PAIP1: variants seen among roughly 807,000 people sequenced by gnomAD.
PAIP1 encodes polyadenylate-binding protein-interacting protein 1.
In PAIP1, 16 loss-of-function variants were observed where a neutral mutation model predicts 61.3. That is an observed-to-expected ratio of 0.26 (90% CI 0.18 to 0.40). PAIP1 has a LOEUF of 0.40. Ranked by LOEUF, PAIP1 falls within the 10% of genes least tolerant of loss-of-function variation. The pLI is 1.00. For missense variants in PAIP1, 416 were observed against 600.9 expected (o/e 0.69, Z 3.22); for synonymous variants, 187 against 226.2 (o/e 0.83, Z 1.56).
Position 43,556,725 on chromosome 5 carries a change from G to T in PAIP1, c.122C>A (p.Ala41Glu). 7.4e-7 allele frequency: 1 copy of T among 1,346,428 alleles called. No homozygotes were observed. The highest frequency in any genetic ancestry group is 3.7e-5 in the Admixed American group (1 of 26,870). The allele number at this position is 1,346,428 out of a possible 1,614,324, so 83.4% of individuals were successfully genotyped here. The stretch of plus-strand genomic sequence containing the variant: ...TTTGGGTTGCGGCGGCTGGTGCCGC[G>T]CCCGCTCAGCAGGCCCCGCTCCGTT... ...FPNGAGPAER[A>E]RHQPPQPKAP... Residue 41 changes from alanine to glutamate, a missense_variant, in exon 1 of 11, where the codon GCG becomes GAG. Ala to Glu is a moderately radical substitution (Grantham distance 107). This residue lies in a region of PAIP1 where 97 missense variants were observed against 89.5 expected (regional missense o/e 1.08). Coordinates refer to ENST00000306846, the MANE Select transcript of PAIP1 (RefSeq NM_006451.5).
chr5:43,550,837 C>CAAAAAA (rs373730839), intron 2 of PAIP1, among the ~76,000 whole-genome samples: 675 of 49,052 alleles, frequency 0.014, no homozygotes, highest in Middle Eastern at 0.05. Context: ...AAATATACTA[C>CAAAAAA]AAAAAAAAAA....
intron 2 of PAIP1, among the ~76,000 whole-genome samples, chr5:43,554,503 C>G (rs373337549): frequency 6.6e-6 from 1 of 152,096 alleles, no homozygotes; most frequent in African/African-American, 2.4e-5. Context: ...TTTTCCTATA[C>G]AGCATAAGAA....
intron 9 of PAIP1, among the ~76,000 whole-genome samples, chr5:43,531,827 A>G (rs999827714): frequency 2.0e-5 from 3 of 152,044 alleles, no homozygotes; most frequent in Admixed American, 2.0e-4. Context: ...TAAAAGTTTA[A>G]GACGGTTAAG....
At chr5:43,529,529 G>A (rs932570330) in intron 10 of PAIP1, among the ~76,000 whole-genome samples, 6 of 152,068 alleles carry the variant, frequency 3.9e-5, no homozygotes, top group South Asian at 2.1e-4. Flanking sequence ...TCAGCCTCCC[G>A]AGTAGCTGTG....
In PAIP1 at chr5:43,536,874, G is replaced by T; in HGVS notation, c.917C>A (p.Ala306Asp). Residue 306 changes from alanine (A) to aspartate (D), a missense_variant, in exon 6 of 11, where the codon GCC becomes GAC. By Grantham distance (126) the Ala-to-Asp change is moderately radical (BLOSUM62 -2). Around this residue, in one of 4 missense-constraint regions of PAIP1, gnomAD observed 135 missense variants for 283.9 expected, o/e 0.48. Transcript: ENST00000306846. ...LQVGLRELLN[A>D]LFSNPMDDNL... is the part of the protein sequence containing the mutation. ...GTCATCCATAGGATTAGAAAACAGG[G>T]CATTCAGCAATTCTCGAAGACCAAC... is the stretch of plus-strand genomic sequence containing the variant. The T allele has an allele frequency of 6.4e-7, 1 of 1,565,674 alleles. No homozygotes were observed. The highest frequency in any genetic ancestry group is 8.8e-7 in the Non-Finnish European group (1 of 1,141,532).
At chr5:43,542,492 C>T (rs1257915374) in intron 4 of PAIP1, among the ~76,000 whole-genome samples, 2 of 150,524 alleles carry the variant, frequency 1.3e-5, no homozygotes, top group East Asian at 1.9e-4. Context: ...CAAGAGCGTG[C>T]CGCTGCACTC....
At chr5:43,535,054 T>C in intron 7 of PAIP1, 84 bp from the exon 8 acceptor site, 1 of 755,220 alleles carries the variant, frequency 1.3e-6, no homozygotes. Flanking sequence ...CAAAACTTTA[T>C]TTCCTTAATT....
In PAIP1 at chr5:43,556,898, A is replaced by G. The variant is rs1370353696; in HGVS notation, c.-52T>C. 7.4e-7 allele frequency: 1 copy of G among 1,345,314 alleles called. No individual in the cohort carries two copies. The highest frequency in any genetic ancestry group is 3.1e-5 in the East Asian group (1 of 32,068). The allele number at this position is 1,345,314 out of a possible 1,614,324, so 83.3% of individuals were successfully genotyped here. On this transcript the variant is annotated 5_prime_UTR_variant, in exon 1 of 11. Coordinates refer to ENST00000306846, the MANE Select transcript of PAIP1 (RefSeq NM_006451.5). ...AGGGGCCGCTGCCGCTGCGCTCGCG[A>G]TAGGACGCGGGGGGAAGGCGCCGCG...
chr5:43,553,549 C>T (rs1448557154), intron 2 of PAIP1, among the ~76,000 whole-genome samples: 3 of 152,126 alleles, frequency 2.0e-5, no homozygotes, highest in Non-Finnish European at 2.9e-5. Context: ...GTGAATGTAG[C>T]TAACTTTGGA....
chr5:43,543,284 C>G (rs1002674398), intron 3 of PAIP1, among the ~76,000 whole-genome samples, 168 bp from the exon 4 acceptor site: 10 of 148,136 alleles, frequency 6.8e-5, no homozygotes, highest in African/African-American at 2.2e-4. Flanking sequence ...TCCCTCCCAA[C>G]CTTACAGCAA....
Position 43,539,452 on chromosome 5 carries a change from TACACACACAC to T in PAIP1, c.735-427_735-418del, listed in dbSNP as rs34509892. On this transcript the variant is annotated intron_variant, in intron 4 of 10. Transcript: ENST00000306846. ...TACAACTTTGAAAAGGATCTTTAAA[TACACACACAC>T]ACACACACACACACACACACACACA... Among the ~76,000 whole-genome samples, 87 of 148,680 alleles carry T rather than the reference TACACACACAC, an allele frequency of 5.9e-4. 1 individual carries two copies. The highest frequency in any genetic ancestry group is 3.4e-3 in the Middle Eastern group (1 of 292).
intron 4 of PAIP1, among the ~76,000 whole-genome samples, chr5:43,541,911 T>A (rs1410779278): frequency 1.3e-5 from 2 of 152,076 alleles, no homozygotes; most frequent in Non-Finnish European, 2.9e-5. Flanking sequence ...GCGTGGTGGC[T>A]CACGCCTGTA....
intron 5 of PAIP1, 64 bp downstream of exon 5, chr5:43,538,860 C>G (rs564693158): frequency 4.9e-6 from 4 of 811,226 alleles, no homozygotes; most frequent in African/African-American, 1.7e-5. Context: ...AACACAAATT[C>G]CTCATTGAGA....
Position 43,527,484 on chromosome 5 carries a change from A to T in PAIP1, c.1347-15T>A. The T allele has an allele frequency of 6.3e-7, 1 of 1,595,536 alleles. No homozygotes were observed. Reference sequence around the variant, plus strand: ...CATCCAAGTATCTGTAAAAGCAAAGATGATTCATAAGTGTAAGGTTTTTCA... The same window carrying T: ...CATCCAAGTATCTGTAAAAGCAAAGTTGATTCATAAGTGTAAGGTTTTTCA... On this transcript the variant is annotated splice_polypyrimidine_tract_variant and intron_variant, in intron 10 of 10. Coordinates refer to ENST00000306846, the MANE Select transcript of PAIP1 (RefSeq NM_006451.5).
At chr5:43,547,701 G>C (rs774079008) in intron 3 of PAIP1, 27 bp downstream of exon 3, 1 of 1,503,694 alleles carries the variant, frequency 6.7e-7, no homozygotes, top group Non-Finnish European at 9.1e-7. Flanking sequence ...CTATCTGAAG[G>C]TCACTGCATG....
At chr5:43,543,844 C>A (rs944244814) in intron 3 of PAIP1, among the ~76,000 whole-genome samples, 8 of 151,982 alleles carry the variant, frequency 5.3e-5, no homozygotes, top group African/African-American at 1.9e-4. Flanking sequence ...AGAAAACACA[C>A]ATTAAAAGGT....
chr5:43,555,312 A>G (rs139698145), intron 2 of PAIP1, among the ~76,000 whole-genome samples: 359 of 152,302 alleles, frequency 2.4e-3, no homozygotes, highest in Non-Finnish European at 4.1e-3. Flanking sequence ...CATTTCTCCA[A>G]TGATTCCCTC....
chr5:43,539,355 T>C (rs1255930934), intron 4 of PAIP1, among the ~76,000 whole-genome samples: 1 of 152,078 alleles, frequency 6.6e-6, no homozygotes, highest in Admixed American at 6.6e-5. Context: ...GAGCCTCACC[T>C]TGTCTTATAG....
chr5:43,540,116 C>T (rs1027046132), intron 4 of PAIP1, among the ~76,000 whole-genome samples: 3 of 152,208 alleles, frequency 2.0e-5, no homozygotes, highest in Non-Finnish European at 2.9e-5. Context: ...CCACGAAACC[C>T]CAGCACAGCT....
Sources: allele counts gnomAD v4.1 joint callset (sites outside exome capture counted in the v4.1 genomes callset), GRCh38; gene constraint gnomAD v4.1.1; regional missense constraint gnomAD v4.1.1; transcripts MANE v1.5; gene names NCBI Gene and HGNC (gene_info 2026-07-23, HGNC 2026-07-21).